MYO1B: variants seen among roughly 807,000 people sequenced by gnomAD.
MYO1B encodes unconventional myosin-Ib.
Under a neutral mutation model 159.7 loss-of-function variants are expected in MYO1B, and 72 were observed. The ratio of observed to expected loss-of-function variants is 0.45; its 90% confidence interval spans 0.37 to 0.55. The LOEUF (loss-of-function observed/expected upper bound fraction) is 0.55. Ranked by LOEUF, MYO1B falls within the 20% of genes least tolerant of loss-of-function variation. The probability of loss-of-function intolerance (pLI) is 0.00; values close to 1 mark genes in which losing one functional copy is unlikely to be tolerated. For synonymous variants in MYO1B, 468 were observed against 473.8 expected, an observed-to-expected ratio of 0.99 and a Z score of 0.16; for missense variants, 1,062 against 1,364.8, an observed-to-expected ratio of 0.78 and a Z score of 3.50.
In MYO1B at chr2:191,255,701, C is replaced by T. The variant is rs190705981; in HGVS notation, c.-10+10075C>T. 2.9e-3 allele frequency among the ~76,000 whole-genome samples: 448 copies of T among 152,324 alleles called. 5 individuals carry two copies. Among genetic ancestry groups the T allele is most frequent in the Non-Finnish European group, 4.5e-3 (309 of 68,026 alleles). On this transcript the variant is annotated intron_variant, in intron 1 of 30. Transcript: ENST00000392318. ...TATTTATTTTTTATCAGTATATCCTCATCCTGCCAAGTGAAGCTGGCTAGA... is the reference window on the plus strand; with the variant it reads ...TATTTATTTTTTATCAGTATATCCTTATCCTGCCAAGTGAAGCTGGCTAGA...
chr2:191,417,795 T>C (rs1188751436), intron 30 of MYO1B, among the ~76,000 whole-genome samples: 2 of 152,224 alleles, frequency 1.3e-5, no homozygotes, highest in African/African-American at 4.8e-5. Flanking sequence ...TGAAATCTTG[T>C]TGTGATTCTC....
intron 3 of MYO1B, among the ~76,000 whole-genome samples, chr2:191,317,234 A>G (rs1478690679): frequency 1.3e-5 from 2 of 152,170 alleles, no homozygotes; most frequent in East Asian, 1.9e-4. Context: ...TACATCCGCT[A>G]TAGAACTCAA....
intron 30 of MYO1B, among the ~76,000 whole-genome samples, chr2:191,417,631 C>T (rs552455297): frequency 6.6e-6 from 1 of 152,260 alleles, no homozygotes; most frequent in East Asian, 1.9e-4. Flanking sequence ...ACACCAACAT[C>T]CAGACCACAA....
chr2:191,383,426 G>A, intron 15 of MYO1B, 84 bp downstream of exon 15: 1 of 321,128 alleles, frequency 3.1e-6, no homozygotes, highest in Non-Finnish European at 5.2e-6. Context: ...TCAATGTTAA[G>A]CATTAGTATT....
chr2:191,357,335 C>A (rs948253089), intron 7 of MYO1B, among the ~76,000 whole-genome samples: 4 of 152,200 alleles, frequency 2.6e-5, no homozygotes, highest in Admixed American at 2.0e-4. Context: ...AAAGCCCCTA[C>A]ATAACGGCCA....
intron 2 of MYO1B, among the ~76,000 whole-genome samples, chr2:191,280,821 C>G (rs1298492854): frequency 5.3e-5 from 8 of 152,168 alleles, no homozygotes; most frequent in Non-Finnish European, 1.0e-4. Context: ...GTAGGGAGTT[C>G]TGTAATGAAG....
At chr2:191,375,609 A>AT (rs1694657664) in intron 13 of MYO1B, among the ~76,000 whole-genome samples, 1 of 152,144 alleles carries the variant, frequency 6.6e-6, no homozygotes, top group African/African-American at 2.4e-5. Flanking sequence ...CTTATAGTGT[A>AT]TATTTTATGG....
At chr2:191,287,339 C>T (rs1408492768) in intron 2 of MYO1B, among the ~76,000 whole-genome samples, 1 of 152,066 alleles carries the variant, frequency 6.6e-6, no homozygotes, top group African/African-American at 2.4e-5. Context: ...ACTAGCCTGG[C>T]CAACATGGTG....
chr2:191,326,770 A>ATGTGTG (rs35184577), intron 3 of MYO1B, among the ~76,000 whole-genome samples: 5,670 of 136,974 alleles, frequency 0.041, 157 homozygotes, highest in East Asian at 0.11. Flanking sequence ...GTTTGTATAT[A>ATGTGTG]TGTGTGTGTG....
Position 191,392,979 on chromosome 2 carries a change from A to G in MYO1B, c.2077-94A>G. 3.5e-6 allele frequency: 4 copies of G among 1,128,596 alleles called. No individual in the cohort carries two copies. In the South Asian group the frequency reaches 4.7e-5, roughly 13 times the overall value. 69.9% of individuals were successfully genotyped at this position (1,128,596 alleles called of 1,614,324 possible). Reference sequence around the variant, plus strand: ...TCTTTTTTTCAATGTAATTGACTCCAACATGATGGCATTTTGTCTCCTGAA... The same window carrying G: ...TCTTTTTTTCAATGTAATTGACTCCGACATGATGGCATTTTGTCTCCTGAA... On this transcript the variant is annotated intron_variant, in intron 19 of 30. Coordinates refer to ENST00000392318, the MANE Select transcript of MYO1B (RefSeq NM_001130158.3).
intron 6 of MYO1B, 65 bp downstream of exon 6, chr2:191,346,347 G>C: frequency 2.8e-6 from 3 of 1,086,902 alleles, no homozygotes; most frequent in Non-Finnish European, 3.8e-6. Flanking sequence ...TAAACAACCA[G>C]TAGATGTTTA....
At chr2:191,414,321 T>G (rs1018028109) in intron 28 of MYO1B, 141 bp downstream of exon 28, 10 of 1,166,650 alleles carry the variant, frequency 8.6e-6, no homozygotes, top group Middle Eastern at 2.6e-4. Flanking sequence ...ACCTTTAAGC[T>G]TAGGTGGAAT....
At chr2:191,317,570 T>C (rs1690431979) in intron 3 of MYO1B, among the ~76,000 whole-genome samples, 1 of 152,240 alleles carries the variant, frequency 6.6e-6, no homozygotes, top group Non-Finnish European at 1.5e-5. Context: ...GTTGATGTGC[T>C]CCACCCATTA....
intron 3 of MYO1B, among the ~76,000 whole-genome samples, chr2:191,327,258 A>G (rs577864178): frequency 2.0e-5 from 3 of 152,218 alleles, no homozygotes; most frequent in African/African-American, 7.2e-5. Flanking sequence ...GGTATTGGTT[A>G]CATTTCATGT....
intron 1 of MYO1B, among the ~76,000 whole-genome samples, chr2:191,273,336 T>C (rs35892890): frequency 0.38 from 57,647 of 152,014 alleles, 11,138 homozygotes; most frequent in Middle Eastern, 0.53. Flanking sequence ...TTGGCCAGGC[T>C]GATCTCAAAC....
chr2:191,326,312 C>T (rs910507287), intron 3 of MYO1B, among the ~76,000 whole-genome samples: 5 of 151,920 alleles, frequency 3.3e-5, no homozygotes, highest in African/African-American at 7.3e-5. Flanking sequence ...TGGGTACGTG[C>T]TCTTATTGCC....
chr2:191,370,095 A>G, intron 12 of MYO1B, 132 bp from the exon 13 acceptor site: 1 of 641,898 alleles, frequency 1.6e-6, no homozygotes, highest in Non-Finnish European at 2.6e-6. Flanking sequence ...ACATTTTTTA[A>G]AAAACAACTA....
chr2:191,366,651 T>A (rs917403225), intron 11 of MYO1B, among the ~76,000 whole-genome samples: 4 of 152,124 alleles, frequency 2.6e-5, no homozygotes, highest in Non-Finnish European at 5.9e-5. Context: ...CTCCTTGGCT[T>A]CTGATGTCCT....
intron 15 of MYO1B, among the ~76,000 whole-genome samples, chr2:191,383,752 C>A (rs1225328647): frequency 6.6e-6 from 1 of 151,812 alleles, no homozygotes; most frequent in Non-Finnish European, 1.5e-5. Context: ...GGTTGGAGCC[C>A]AGGTCTATTC....
Sources: gnomAD v4.1 joint callset for allele counts (sites outside exome capture counted in the v4.1 genomes callset) on GRCh38, gnomAD v4.1.1 for gene constraint, MANE v1.5 for transcripts, NCBI Gene and HGNC (gene_info 2026-07-23, HGNC 2026-07-21) for gene names.